SLC36A2: variants seen among roughly 807,000 people sequenced by gnomAD.
SLC36A2 encodes solute carrier family 36 member 2, also known as proton-coupled amino acid transporter 2.
In SLC36A2, 39 loss-of-function variants were observed where a neutral mutation model predicts 42.7. That is an observed-to-expected ratio of 0.91 (90% CI 0.71 to 1.19). SLC36A2 has a LOEUF of 1.19. SLC36A2 is among the 50% of genes most tolerant of loss of function. The pLI, the probability that SLC36A2 is intolerant of heterozygous loss-of-function variation, is 0.00. For missense variants in SLC36A2, 590 were observed against 613.7 expected, an observed-to-expected ratio of 0.96 and a Z score of 0.41; for synonymous variants, 237 against 240.8, an observed-to-expected ratio of 0.98 and a Z score of 0.15.
intron 1 of SLC36A2, among the ~76,000 whole-genome samples, chr5:151,347,022 TTA>T (rs1321085151): frequency 6.6e-6 from 1 of 152,200 alleles, no homozygotes; most frequent in Non-Finnish European, 1.5e-5. Context: ...ATTCTAGCCC[TTA>T]TCCTGCCAAT....
chr5:151,343,560 G>A lies in SLC36A2; in HGVS notation c.294C>T (p.Ala98=). ...PLSLLVMGFI[A]CHCMHILVKC... ...TGACCAGGATGTGCATACAGTGGCA[G>A]GCAATGAAGCCCATCACCAGCAGAC... is the stretch of plus-strand genomic sequence containing the variant. The change falls in exon 3 of 10, where the codon GCC becomes GCT. Residue 98 remains alanine, a synonymous_variant. Transcript: ENST00000335244. The A allele has an allele frequency of 1.9e-6, 3 of 1,614,226 alleles. No individual in the cohort carries two copies. Among genetic ancestry groups the A allele is most frequent in the South Asian group, 2.2e-5 (2 of 91,088 alleles).
chr5:151,327,485 C>T (rs945746798), intron 7 of SLC36A2, among the ~76,000 whole-genome samples: 4 of 152,214 alleles, frequency 2.6e-5, no homozygotes, highest in Non-Finnish European at 4.4e-5. Flanking sequence ...AACTCCCTAA[C>T]CCTCTCTCTA....
intron 1 of SLC36A2, 113 bp downstream of exon 1, chr5:151,347,183 TG>T: frequency 7.6e-7 from 1 of 1,322,950 alleles, no homozygotes; most frequent in Admixed American, 1.7e-5. Context: ...TTTGCAACCT[TG>T]GTTTCTCATC....
intron 9 of SLC36A2, among the ~76,000 whole-genome samples, chr5:151,320,679 G>A (rs1755660294): frequency 6.6e-6 from 1 of 152,166 alleles, no homozygotes; most frequent in South Asian, 2.1e-4. Context: ...GCAAGCACAG[G>A]ACCGTCCAGG....
chr5:151,330,848 G>A (rs1198961888), intron 7 of SLC36A2, among the ~76,000 whole-genome samples: 4 of 152,120 alleles, frequency 2.6e-5, no homozygotes, highest in South Asian at 2.1e-4. Context: ...TTGTGAAAAC[G>A]TATATTATAG....
chr5:151,343,128 A>G, intron 3 of SLC36A2, 145 bp from the exon 4 acceptor site: 1 of 725,762 alleles, frequency 1.4e-6, no homozygotes, highest in East Asian at 2.7e-5. Flanking sequence ...TTTGACACTC[A>G]GCAGTAATTC....
chr5:151,323,102 G>T (rs558642918), intron 8 of SLC36A2, among the ~76,000 whole-genome samples: 1 of 152,250 alleles, frequency 6.6e-6, no homozygotes, highest in Non-Finnish European at 1.5e-5. Context: ...ACGTGTGGTG[G>T]TGCACACCTG....
chr5:151,333,405 A>T, intron 6 of SLC36A2, 83 bp from the exon 7 acceptor site: 2 of 1,188,784 alleles, frequency 1.7e-6, no homozygotes, highest in Non-Finnish European at 2.5e-6. Context: ...CTGAAATGAG[A>T]CCTGAATTTT....
At position 151,340,248 on chromosome 5, in the gene SLC36A2, GGAA is replaced by G. The variant is rs1471534267; in HGVS notation, c.441-1107_441-1105del. 5.4e-5 allele frequency among the ~76,000 whole-genome samples: 8 copies of G among 146,900 alleles called. No individual in the cohort carries two copies. In the East Asian group the frequency reaches 9.9e-4, roughly 18 times the overall value. On this transcript the variant is annotated intron_variant, in intron 4 of 9. Coordinates refer to ENST00000335244, the MANE Select transcript of SLC36A2 (RefSeq NM_181776.3). ...AGGAGGAAGGGGAGGAGGAGGAGGG[GGAA>G]GAAGAGGAGGAGGTGGAAGAAGAAC... is the stretch of plus-strand genomic sequence containing the variant.
At chr5:151,318,213 G>T (rs914789508) in intron 9 of SLC36A2, among the ~76,000 whole-genome samples, 1 of 151,848 alleles carries the variant, frequency 6.6e-6, no homozygotes, top group South Asian at 2.1e-4. Flanking sequence ...TGCTACCGAG[G>T]TGCATTTTGG....
intron 4 of SLC36A2, among the ~76,000 whole-genome samples, chr5:151,339,763 A>G (rs993102883): frequency 3.3e-4 from 50 of 152,356 alleles, no homozygotes; most frequent in Non-Finnish European, 3.8e-4. Flanking sequence ...AGCAGGCACA[A>G]TGTTTTTATT....
intron 7 of SLC36A2, among the ~76,000 whole-genome samples, chr5:151,327,749 T>C (rs1187353545): frequency 1.3e-5 from 2 of 152,210 alleles, no homozygotes; most frequent in African/African-American, 4.8e-5. Flanking sequence ...TGGCTTCCTT[T>C]CTTTCTCTCT....
At chr5:151,326,055 G>A (rs965274558) in intron 7 of SLC36A2, among the ~76,000 whole-genome samples, 7 of 152,084 alleles carry the variant, frequency 4.6e-5, no homozygotes, top group African/African-American at 1.7e-4. Flanking sequence ...GGAAATAAAA[G>A]AGGAGGAAAA....
Position 151,347,190 on chromosome 5 carries a change from T to C in SLC36A2, c.164+107A>G, listed in dbSNP as rs762053304. 1.9e-4 allele frequency: 259 copies of C among 1,393,746 alleles called. 1 individual carries two copies. Among genetic ancestry groups the C allele is most frequent in the Non-Finnish European group, 2.2e-4 (216 of 983,132 alleles). 86.3% of individuals were successfully genotyped at this position (1,393,746 alleles called of 1,614,324 possible). The stretch of plus-strand genomic sequence containing the variant: ...CTGCACCTTTTGCAACCTTGGTTTC[T>C]CATCTGCACAGTGGGTTGAGGGTCA... On this transcript the variant is annotated intron_variant, in intron 1 of 9. Transcript: ENST00000335244.
intron 1 of SLC36A2, among the ~76,000 whole-genome samples, chr5:151,346,012 T>C (rs961130979): frequency 6.6e-6 from 1 of 152,218 alleles, no homozygotes; most frequent in Admixed American, 6.5e-5. Context: ...CGAGTCTGGG[T>C]GAGCCAACCC....
At chr5:151,334,951 T>C (rs924113326) in intron 6 of SLC36A2, among the ~76,000 whole-genome samples, 1 of 152,128 alleles carries the variant, frequency 6.6e-6, no homozygotes, top group African/African-American at 2.4e-5. Flanking sequence ...TACCTGAAAT[T>C]GTACCCTATG....
In SLC36A2 at chr5:151,316,783, G is replaced by A. The variant is rs747068480; in HGVS notation, c.*34C>T. The A allele has an allele frequency of 3.8e-6, 4 of 1,062,792 alleles. No individual in the cohort carries two copies. In the East Asian group the frequency reaches 1.2e-4, roughly 32 times the overall value. The allele number at this position is 1,062,792 out of a possible 1,614,324, so 65.8% of individuals were successfully genotyped here. A position where few individuals can be genotyped will look rare whatever the true frequency, so the allele number is the denominator to read the frequency against. ...AAAAAAGAGATCCATATAATTAAAA[G>A]TCGGGTGCTGGTAGGCAAGGAGCAG... On this transcript the variant is annotated 3_prime_UTR_variant, in exon 10 of 10. Transcript: ENST00000335244.
chr5:151,343,730 C>T lies in SLC36A2; in HGVS notation c.256-132G>A. 6.8e-6 allele frequency: 5 copies of T among 732,902 alleles called. No homozygotes were observed. The South Asian group carries it at 8.7e-5, about 13-fold the overall frequency. The allele number at this position is 732,902 out of a possible 1,614,324, so 45.4% of individuals were successfully genotyped here. Reference sequence around the variant, plus strand: ...ACTCTCTAGCAAACTGGGTTTAAAGCCCTTTTGTAGCAGCAACAGCTATTC... The same window carrying T: ...ACTCTCTAGCAAACTGGGTTTAAAGTCCTTTTGTAGCAGCAACAGCTATTC... On this transcript the variant is annotated intron_variant, in intron 2 of 9. Coordinates refer to ENST00000335244, the MANE Select transcript of SLC36A2 (RefSeq NM_181776.3).
At chr5:151,320,718 G>A (rs1000251752) in intron 9 of SLC36A2, among the ~76,000 whole-genome samples, 2 of 152,216 alleles carry the variant, frequency 1.3e-5, no homozygotes, top group African/African-American at 2.4e-5. Context: ...GATTGTTGCC[G>A]ATGGGGAATG....
Sources: allele counts gnomAD v4.1 joint callset (sites outside exome capture counted in the v4.1 genomes callset), GRCh38; gene constraint gnomAD v4.1.1; transcripts MANE v1.5; gene names NCBI Gene and HGNC (gene_info 2026-07-23, HGNC 2026-07-21).